The following CSGALNACT1 variants were observed in gnomAD, a reference collection of about 807,000 sequenced individuals.
CSGALNACT1 encodes chondroitin sulfate N-acetylgalactosaminyltransferase 1.
CSGALNACT1 carries 52 observed loss-of-function variants against 51.0 expected under a neutral mutation model. The observed-to-expected ratio is 1.02, with a 90% CI of 0.82 to 1.29. The LOEUF is 1.29. Among genes scored for constraint, CSGALNACT1 ranks in the 50% most tolerant of loss-of-function variants. The pLI, the probability that CSGALNACT1 is intolerant of heterozygous loss-of-function variation, is 0.00. For synonymous variants in CSGALNACT1, 341 were observed against 254.4 expected, an observed-to-expected ratio of 1.34 and a Z score of -3.24; for missense variants, 935 against 679.2, an observed-to-expected ratio of 1.38 and a Z score of -4.19.
intron 1 of CSGALNACT1, among the ~76,000 whole-genome samples, chr8:19,655,429 T>C (rs1400297413): frequency 6.6e-6 from 1 of 152,078 alleles, no homozygotes; most frequent in Non-Finnish European, 1.5e-5. Flanking sequence ...GGCACTATCA[T>C]GGCTCACTGC....
At chr8:19,503,606 G>A (rs891286355) in intron 4 of CSGALNACT1, among the ~76,000 whole-genome samples, 1 of 151,940 alleles carries the variant, frequency 6.6e-6, no homozygotes, top group African/African-American at 2.4e-5. Context: ...TTTTCCCTGA[G>A]GGTCGGCTAG....
chr8:19,425,132 C>T (rs1188955826), intron 6 of CSGALNACT1, among the ~76,000 whole-genome samples: 1 of 152,134 alleles, frequency 6.6e-6, no homozygotes, highest in African/African-American at 2.4e-5. Flanking sequence ...CACTTGAGGT[C>T]AGGAGTTCGA....
rs28494054 is a variant in CSGALNACT1 at position 19,660,475 on chromosome 8, A to G, written c.-544+21998T>C. On this transcript the variant is annotated intron_variant, in intron 1 of 9. Coordinates refer to the CSGALNACT1 transcript ENST00000332246. ...CCTCTCTGTAACACTATGGTGCCAC[A>G]GCCTCTAGAAGATTATCATCTTCAA... Among the ~76,000 whole-genome samples, 886 of 152,318 alleles carry G rather than the reference A, an allele frequency of 5.8e-3. 8 individuals are homozygous for G. The highest frequency in any genetic ancestry group is 0.02 in the African/African-American group (840 of 41,566).
intron 1 of CSGALNACT1, among the ~76,000 whole-genome samples, chr8:19,662,250 G>A (rs1589346569): frequency 6.6e-6 from 1 of 151,930 alleles, no homozygotes; most frequent in Non-Finnish European, 1.5e-5. Context: ...AGGCGTGGTA[G>A]TGTGCACCTG....
chr8:19,543,983 G>A (rs562427350), intron 3 of CSGALNACT1, among the ~76,000 whole-genome samples: 2 of 152,258 alleles, frequency 1.3e-5, no homozygotes, highest in South Asian at 4.1e-4. Context: ...AGAGTTTTAG[G>A]AGAGAGACAT....
intron 2 of CSGALNACT1, among the ~76,000 whole-genome samples, chr8:19,596,506 C>G (rs2048932012): frequency 6.6e-6 from 1 of 151,458 alleles, no homozygotes; most frequent in South Asian, 2.1e-4. Context: ...GCAAAAAGAT[C>G]CTATTATCTT....
intron 1 of CSGALNACT1, among the ~76,000 whole-genome samples, chr8:19,626,571 A>G (rs1283072390): frequency 6.6e-6 from 1 of 152,238 alleles, no homozygotes; most frequent in Non-Finnish European, 1.5e-5. Context: ...CATGATCAGT[A>G]ACATAAAAAT....
chr8:19,635,046 A>G (rs921708912), intron 1 of CSGALNACT1, among the ~76,000 whole-genome samples: 1 of 152,250 alleles, frequency 6.6e-6, no homozygotes, highest in Non-Finnish European at 1.5e-5. Flanking sequence ...CGTTTTAAGT[A>G]CAGCAAATTT....
chr8:19,522,066 C>T (rs1182980947), intron 3 of CSGALNACT1, among the ~76,000 whole-genome samples: 1 of 152,198 alleles, frequency 6.6e-6, no homozygotes, highest in Non-Finnish European at 1.5e-5. Context: ...TTTCTTGAAG[C>T]CTTTGTCTCC....
intron 1 of CSGALNACT1, among the ~76,000 whole-genome samples, chr8:19,613,185 A>C (rs1203299071): frequency 1.3e-5 from 2 of 152,056 alleles, no homozygotes; most frequent in Non-Finnish European, 2.9e-5. Context: ...AATTCTACCT[A>C]TATGTCAGCT....
chr8:19,405,194 A>C (rs1249089476), exon 10 of CSGALNACT1: 1 of 448,856 alleles, frequency 2.2e-6, no homozygotes, highest in South Asian at 1.6e-5. Context: ...TAAAAGGACA[A>C]CCAAAAAGAT....
At chr8:19,456,840 T>C (rs758456186) in intron 5 of CSGALNACT1, among the ~76,000 whole-genome samples, 2 of 152,172 alleles carry the variant, frequency 1.3e-5, no homozygotes, top group African/African-American at 2.4e-5. Flanking sequence ...GCTAAGGGAA[T>C]TGAGAACTGC....
chr8:19,457,407 G>C (rs2064333109), intron 5 of CSGALNACT1: 2 of 357,196 alleles, frequency 5.6e-6, no homozygotes, highest in Admixed American at 7.5e-5. Context: ...GAGATCAGGA[G>C]TTCAAGACTA....
intron 3 of CSGALNACT1, among the ~76,000 whole-genome samples, chr8:19,545,690 C>T (rs1044952374): frequency 6.6e-6 from 1 of 151,748 alleles, no homozygotes; most frequent in Non-Finnish European, 1.5e-5. Flanking sequence ...ATGGTTAATG[C>T]GAAACTATAA....
chr8:19,445,906 G>A (rs1285984980), intron 5 of CSGALNACT1, among the ~76,000 whole-genome samples: 1 of 152,184 alleles, frequency 6.6e-6, no homozygotes, highest in Non-Finnish European at 1.5e-5. Context: ...TGGGCGTGGT[G>A]GCTCATGCCT....
chr8:19,535,091 A>C (rs1327675510), intron 3 of CSGALNACT1, among the ~76,000 whole-genome samples: 1 of 152,238 alleles, frequency 6.6e-6, no homozygotes, highest in Non-Finnish European at 1.5e-5. Flanking sequence ...ATCTGTGCTG[A>C]GAGAAAGAAT....
At chr8:19,625,987 A>C (rs770465546) in intron 1 of CSGALNACT1, among the ~76,000 whole-genome samples, 1 of 152,248 alleles carries the variant, frequency 6.6e-6, no homozygotes, top group Non-Finnish European at 1.5e-5. Flanking sequence ...TGAGACAATA[A>C]AACACATACA....
intron 1 of CSGALNACT1, among the ~76,000 whole-genome samples, chr8:19,628,443 C>T (rs1159717661): frequency 2.1e-4 from 32 of 152,212 alleles, no homozygotes; most frequent in Admixed American, 2.1e-3. Context: ...CAGGTCCCTC[C>T]CTTGATACAT....
chr8:19,522,848 A>C (rs1279992443), intron 3 of CSGALNACT1, among the ~76,000 whole-genome samples: 4 of 152,234 alleles, frequency 2.6e-5, no homozygotes, highest in Non-Finnish European at 5.9e-5. Flanking sequence ...AGGCTCAAAA[A>C]AAAATTTAAA....
Sources: allele counts gnomAD v4.1 joint callset (sites outside exome capture counted in the v4.1 genomes callset), GRCh38; gene constraint gnomAD v4.1.1; transcripts MANE v1.5; gene names NCBI Gene and HGNC (gene_info 2026-07-23, HGNC 2026-07-21).